PTPRM: variants seen among roughly 807,000 people sequenced by gnomAD.
The protein encoded by PTPRM is receptor-type tyrosine-protein phosphatase mu.
In PTPRM, 47 loss-of-function variants were observed where a neutral mutation model predicts 186.7. That is an observed-to-expected ratio of 0.25 (90% CI 0.20 to 0.32). The LOEUF (loss-of-function observed/expected upper bound fraction) is 0.32. Among genes scored for constraint, PTPRM ranks in the 10% least tolerant of loss-of-function variants. PTPRM has a pLI of 1.00. For missense variants in PTPRM, 1,494 were observed against 1,865.0 expected (o/e 0.80, Z 3.66); for synonymous variants, 668 against 674.9 (o/e 0.99, Z 0.16).
chr18:7,758,698 A>G (rs2041624594), intron 1 of PTPRM, among the ~76,000 whole-genome samples: 1 of 152,206 alleles, frequency 6.6e-6, no homozygotes, highest in Non-Finnish European at 1.5e-5. Flanking sequence ...AATTATCAGT[A>G]AAGATATCAC....
intron 1 of PTPRM, among the ~76,000 whole-genome samples, chr18:7,653,586 C>A (rs1261646290): frequency 6.6e-6 from 1 of 152,098 alleles, no homozygotes; most frequent in Admixed American, 6.6e-5. Flanking sequence ...GTTTTCTGTT[C>A]CTGTGTAGTT....
chr18:8,165,799 A>G (rs2093314541), intron 14 of PTPRM, among the ~76,000 whole-genome samples: 1 of 152,216 alleles, frequency 6.6e-6, no homozygotes, highest in Non-Finnish European at 1.5e-5. Context: ...GGAAGCTTAT[A>G]GTGCTTCAAA....
intron 13 of PTPRM, among the ~76,000 whole-genome samples, chr18:8,138,350 C>G (rs1335420930): frequency 6.6e-6 from 1 of 152,138 alleles, no homozygotes. Flanking sequence ...ATTGCTCTCA[C>G]TGGCCCACCT....
intron 7 of PTPRM, among the ~76,000 whole-genome samples, chr18:8,058,571 G>T (rs2088207207): frequency 3.0e-5 from 1 of 33,256 alleles, no homozygotes; most frequent in Admixed American, 3.6e-4. Flanking sequence ...TTTCTTCTAG[G>T]GTTTTTATGG....
chr18:8,281,473 A>G (rs1392664849), intron 19 of PTPRM, among the ~76,000 whole-genome samples: 1 of 152,212 alleles, frequency 6.6e-6, no homozygotes, highest in African/African-American at 2.4e-5. Flanking sequence ...GTGCAGTAGG[A>G]TGGCCACTGC....
At chr18:7,616,196 G>A (rs1193384390) in intron 1 of PTPRM, among the ~76,000 whole-genome samples, 1 of 152,144 alleles carries the variant, frequency 6.6e-6, no homozygotes, top group African/African-American at 2.4e-5. Context: ...TCACTCTGTT[G>A]CCAAGGCTGG....
At chr18:7,591,378 T>C (rs192694605) in intron 1 of PTPRM, among the ~76,000 whole-genome samples, 4 of 152,238 alleles carry the variant, frequency 2.6e-5, no homozygotes, top group African/African-American at 9.6e-5. Flanking sequence ...TTGCCAGTGG[T>C]CAGAGGGAGG....
intron 9 of PTPRM, among the ~76,000 whole-genome samples, chr18:8,084,199 A>G (rs927691911): frequency 3.3e-5 from 5 of 152,130 alleles, no homozygotes; most frequent in Non-Finnish European, 7.4e-5. Flanking sequence ...GAGGGGCTCA[A>G]TGAATATGTT....
intron 7 of PTPRM, among the ~76,000 whole-genome samples, chr18:7,991,596 C>A (rs2083272713): frequency 6.6e-6 from 1 of 152,090 alleles, no homozygotes; most frequent in South Asian, 2.1e-4. Context: ...TGAAAGGAAC[C>A]AGCTGCACCA....
At chr18:7,649,914 T>C (rs1011417621) in intron 1 of PTPRM, among the ~76,000 whole-genome samples, 1 of 152,038 alleles carries the variant, frequency 6.6e-6, no homozygotes, top group Non-Finnish European at 1.5e-5. Flanking sequence ...AGCAATAACA[T>C]ATTTTTAAAT....
chr18:8,327,727 G>A (rs62089877), intron 22 of PTPRM, among the ~76,000 whole-genome samples: 8,228 of 152,198 alleles, frequency 0.054, 288 homozygotes, highest in East Asian at 0.09. Context: ...TTAAGGGCTG[G>A]TCAGCTTCTA....
chr18:8,045,714 T>C (rs868750154), intron 7 of PTPRM, among the ~76,000 whole-genome samples: 4 of 152,332 alleles, frequency 2.6e-5, no homozygotes, highest in Non-Finnish European at 4.4e-5. Context: ...GTGGAATCTC[T>C]TTTTGGAAAT....
At chr18:7,925,535 C>A (rs551649167) in intron 4 of PTPRM, among the ~76,000 whole-genome samples, 17 of 152,276 alleles carry the variant, frequency 1.1e-4, no homozygotes, top group African/African-American at 3.9e-4. Flanking sequence ...TAGTGGGGCA[C>A]CCTTTTTTGA....
At chr18:7,683,043 C>T (rs1168288496) in intron 1 of PTPRM, among the ~76,000 whole-genome samples, 1 of 152,078 alleles carries the variant, frequency 6.6e-6, no homozygotes, top group African/African-American at 2.4e-5. Flanking sequence ...TATTTGAGGT[C>T]ATGTCCATGA....
chr18:7,661,674 G>A (rs1435756467), intron 1 of PTPRM, among the ~76,000 whole-genome samples: 6 of 152,220 alleles, frequency 3.9e-5, no homozygotes, highest in African/African-American at 1.4e-4. Context: ...AGGTGAGCAT[G>A]TTTCTGCTAC....
intron 1 of PTPRM, among the ~76,000 whole-genome samples, chr18:7,713,711 A>G (rs1279354895): frequency 6.6e-6 from 1 of 151,992 alleles, no homozygotes; most frequent in African/African-American, 2.4e-5. Context: ...AAAAAAAAAA[A>G]AAGGAGGGGT....
rs190704435 is a variant in PTPRM, at chr18:8,243,919, A to G, written c.2301-139A>G. The G allele has an allele frequency of 3.0e-4, 243 of 803,146 alleles. 1 individual carries two copies. In the African/African-American group the frequency reaches 4.1e-3, roughly 14 times the overall value. 49.8% of individuals were successfully genotyped at this position (803,146 alleles called of 1,614,324 possible). A position where few individuals can be genotyped will look rare whatever the true frequency, so the allele number is the denominator to read the frequency against. On this transcript the variant is annotated intron_variant, in intron 14 of 32. Transcript: ENST00000580170. Reference sequence around the variant, plus strand: ...GCAGCCTGGCAGAGTGCTTGCCACAAATAAGGCACTATACATCCATCTCTG... The same window carrying G: ...GCAGCCTGGCAGAGTGCTTGCCACAGATAAGGCACTATACATCCATCTCTG...
At chr18:8,186,158 T>A (rs930918227) in intron 14 of PTPRM, among the ~76,000 whole-genome samples, 5 of 151,904 alleles carry the variant, frequency 3.3e-5, no homozygotes, top group African/African-American at 1.2e-4. Context: ...AAACCCCGTC[T>A]CTAATAAAAA....
chr18:8,308,636 G>A (rs912189898), intron 20 of PTPRM, among the ~76,000 whole-genome samples: 14 of 152,012 alleles, frequency 9.2e-5, no homozygotes, highest in Non-Finnish European at 1.2e-4. Flanking sequence ...TACACTTACA[G>A]CACAATTAGG....
Sources: allele counts gnomAD v4.1 joint callset (sites outside exome capture counted in the v4.1 genomes callset), GRCh38; gene constraint gnomAD v4.1.1; transcripts MANE v1.5; gene names NCBI Gene and HGNC (gene_info 2026-07-23, HGNC 2026-07-21).